Variants in UNC13B observed in about 807,000 individuals in gnomAD.
UNC13B encodes the protein protein unc-13 homolog B.
A neutral mutation model predicts 211.0 loss-of-function variants in UNC13B; 144 were observed. The observed-to-expected ratio is 0.68, with a 90% CI of 0.60 to 0.78. The LOEUF (loss-of-function observed/expected upper bound fraction) is 0.78, where lower values mean the gene tolerates loss of function less well. UNC13B is among the 30% of genes least tolerant of loss of function. The probability of loss-of-function intolerance (pLI) is 0.00; values close to 1 mark genes in which losing one functional copy is unlikely to be tolerated. For missense variants in UNC13B, 1,777 were observed against 2,002.0 expected, an observed-to-expected ratio of 0.89 and a Z score of 2.14; for synonymous variants, 709 against 725.8, an observed-to-expected ratio of 0.98 and a Z score of 0.37.
intron 6 of UNC13B, among the ~76,000 whole-genome samples, chr9:35,253,217 C>T (rs1826619552): frequency 6.6e-6 from 1 of 152,180 alleles, no homozygotes; most frequent in Non-Finnish European, 1.5e-5. Flanking sequence ...TCATAGCTCA[C>T]TACATCCTGG....
Position 35,304,795 on chromosome 9 carries a change from G to A in UNC13B, c.5391G>A (p.Gln1797=). The A allele has an allele frequency of 2.5e-6, 1 of 398,888 alleles. No homozygotes were observed. Among genetic ancestry groups the A allele is most frequent in the Non-Finnish European group, 4.4e-6 (1 of 225,976 alleles). 24.7% of individuals were successfully genotyped at this position (398,888 alleles called of 1,614,324 possible). ...DLAELTNDGF[Q]SLIMSKQLEG... The stretch of plus-strand genomic sequence containing the variant: ...CAGAGCTCACAAATGATGGCTTTCA[G>A]TCATTAATCATGAGTAAGCAATTAG... Residue 1797 remains glutamine, a synonymous_variant, in exon 9 of 40, where the codon CAG becomes CAA. Coordinates refer to ENST00000635942, the MANE Select transcript of UNC13B (RefSeq NM_001371189.2).
intron 12 of UNC13B, among the ~76,000 whole-genome samples, chr9:35,367,766 G>C (rs753957364): frequency 2.0e-5 from 3 of 152,146 alleles, no homozygotes; most frequent in Non-Finnish European, 2.9e-5. Context: ...TTGTTTGGGA[G>C]TTTCAGACCT....
At chr9:35,351,874 G>A in intron 11 of UNC13B, 1 of 1,232,260 alleles carries the variant, frequency 8.1e-7, no homozygotes, top group Non-Finnish European at 1.0e-6. Context: ...CCTCAGAGAG[G>A]AACCAAACCA....
At chr9:35,294,778 T>A (rs1214874075) in intron 7 of UNC13B, among the ~76,000 whole-genome samples, 2 of 152,188 alleles carry the variant, frequency 1.3e-5, no homozygotes. Flanking sequence ...CAGATACGAC[T>A]TCCTCTCTGT....
At chr9:35,320,349 A>G (rs654977) in intron 11 of UNC13B, among the ~76,000 whole-genome samples, 54,736 of 151,942 alleles carry the variant, frequency 0.36, 10,347 homozygotes, top group African/African-American at 0.47. Context: ...ATATTTGTCA[A>G]TGGCTTTAAT....
At chr9:35,351,794 A>G in intron 11 of UNC13B, 3 of 1,232,316 alleles carry the variant, frequency 2.4e-6, no homozygotes, top group Non-Finnish European at 3.0e-6. Flanking sequence ...TCTGGGCTCC[A>G]CTGCCTATGT....
chr9:35,266,778 T>G (rs898891443), intron 7 of UNC13B, among the ~76,000 whole-genome samples: 1 of 152,208 alleles, frequency 6.6e-6, no homozygotes. Flanking sequence ...TTTAAAATGT[T>G]GTAGGGTAAT....
chr9:35,378,029 A>G (rs1456893248), intron 16 of UNC13B, among the ~76,000 whole-genome samples: 5 of 152,246 alleles, frequency 3.3e-5, no homozygotes, highest in African/African-American at 1.2e-4. Flanking sequence ...GTGGTTTGCT[A>G]ACTGGGTGGG....
chr9:35,397,385 C>T, intron 29 of UNC13B, 75 bp downstream of exon 29: 1 of 1,580,292 alleles, frequency 6.3e-7, no homozygotes, highest in African/African-American at 1.3e-5. Context: ...CTGAGCTCAG[C>T]ACCTCTCCAC....
intron 11 of UNC13B, among the ~76,000 whole-genome samples, chr9:35,321,788 A>G (rs1830750205): frequency 6.6e-6 from 1 of 152,278 alleles, no homozygotes; most frequent in Non-Finnish European, 1.5e-5. Context: ...GGTATGAGCC[A>G]TCACACTCGG....
intron 20 of UNC13B, 113 bp from the exon 21 acceptor site, chr9:35,382,244 G>A: frequency 7.1e-7 from 1 of 1,411,768 alleles, no homozygotes; most frequent in Non-Finnish European, 9.6e-7. Flanking sequence ...GCAAGAGAGG[G>A]CAGCAATTGC....
chr9:35,375,045 G>A (rs1399648302), intron 13 of UNC13B, 82 bp from the exon 14 acceptor site: 5 of 1,391,706 alleles, frequency 3.6e-6, no homozygotes, highest in East Asian at 2.3e-5. Flanking sequence ...TAGTCAAGTG[G>A]CTTTGGTCAC....
intron 1 of UNC13B, among the ~76,000 whole-genome samples, chr9:35,205,593 T>G (rs886434640): frequency 6.6e-6 from 1 of 152,218 alleles, no homozygotes; most frequent in Non-Finnish European, 1.5e-5. Context: ...CGAATCTACT[T>G]TCTGTCTTTG....
Position 35,366,933 on chromosome 9 carries a change from A to G in UNC13B, c.9415-14A>G, listed in dbSNP as rs747732302. The G allele has an allele frequency of 2.5e-6, 4 of 1,612,796 alleles. No homozygotes were observed. In the East Asian group the frequency reaches 6.7e-5, roughly 27 times the overall value. On this transcript the variant is annotated splice_polypyrimidine_tract_variant and intron_variant, in intron 11 of 39. Transcript: ENST00000635942. The stretch of plus-strand genomic sequence containing the variant: ...TTTCCCAGGATCTAACTTGTTTCCT[A>G]TCTCTTTTTAAAGATTCCAGATGAT...
intron 9 of UNC13B, among the ~76,000 whole-genome samples, chr9:35,308,767 T>A (rs1830044514): frequency 6.6e-6 from 1 of 152,208 alleles, no homozygotes; most frequent in Non-Finnish European, 1.5e-5. Context: ...ATATATTAAC[T>A]ACAACTACAT....
chr9:35,273,117 C>T (rs1014190962), intron 7 of UNC13B, among the ~76,000 whole-genome samples: 2 of 152,124 alleles, frequency 1.3e-5, no homozygotes, highest in African/African-American at 4.8e-5. Context: ...AACGGCATAA[C>T]CCAACATATT....
intron 11 of UNC13B, among the ~76,000 whole-genome samples, chr9:35,328,650 T>TC (rs1831174780): frequency 2.1e-5 from 2 of 93,700 alleles, no homozygotes; most frequent in African/African-American, 4.6e-5. Context: ...CTTCCTTCCT[T>TC]CCTTCCTTCC....
Position 35,305,185 on chromosome 9 carries a change from G to A in UNC13B, c.5781G>A (p.Ser1927=), listed in dbSNP as rs554057456. 33 of 398,860 alleles carry A rather than the reference G, an allele frequency of 8.3e-5. No individual in the cohort carries two copies. Among genetic ancestry groups the A allele is most frequent in the African/African-American group, 4.1e-4 (20 of 48,728 alleles). 24.7% of individuals were successfully genotyped at this position (398,860 alleles called of 1,614,324 possible). The change falls in exon 9 of 40, where the codon TCG becomes TCA. Residue 1927 remains serine, a synonymous_variant. Transcript: ENST00000635942. ...SSLKLFSQEE[S]SVSMTANEKQ... is the part of the protein sequence containing the mutation. Reference sequence around the variant, plus strand: ...TGAAACTCTTCAGTCAAGAAGAATCGTCAGTTAGTATGACAGCAAATGAAA... The same window carrying A: ...TGAAACTCTTCAGTCAAGAAGAATCATCAGTTAGTATGACAGCAAATGAAA...
intron 1 of UNC13B, among the ~76,000 whole-genome samples, chr9:35,175,827 G>A (rs1821593422): frequency 6.8e-6 from 1 of 147,334 alleles, no homozygotes; most frequent in African/African-American, 2.5e-5. Context: ...GACCAGTCTG[G>A]CCAACATGGT....
Sources: gnomAD v4.1 joint callset for allele counts (sites outside exome capture counted in the v4.1 genomes callset) on GRCh38, gnomAD v4.1.1 for gene constraint, MANE v1.5 for transcripts, NCBI Gene and HGNC (gene_info 2026-07-23, HGNC 2026-07-21) for gene names.